Variants in ANO3 observed in about 807,000 individuals in gnomAD.
ANO3 encodes anoctamin 3.
A neutral mutation model predicts 144.8 loss-of-function variants in ANO3; 99 were observed. The ratio of observed to expected loss-of-function variants is 0.68; its 90% confidence interval spans 0.58 to 0.81. ANO3 has a LOEUF of 0.81. Ranked by LOEUF, ANO3 falls within the 30% of genes least tolerant of loss-of-function variation. The probability of loss-of-function intolerance (pLI) is 0.00; values close to 1 mark genes in which losing one functional copy is unlikely to be tolerated. For missense variants in ANO3, 905 were observed against 1,202.2 expected (o/e 0.75, Z 3.66); for synonymous variants, 414 against 392.6 (o/e 1.05, Z -0.64).
intron 4 of ANO3, among the ~76,000 whole-genome samples, chr11:26,466,319 C>T (rs1179083196): frequency 6.6e-6 from 1 of 151,950 alleles, no homozygotes; most frequent in East Asian, 1.9e-4. Context: ...TTAAATATTT[C>T]AGAGGCATTG....
chr11:26,529,125 A>AT (rs1849242872), intron 7 of ANO3, among the ~76,000 whole-genome samples: 1 of 1,558 alleles, frequency 6.4e-4, no homozygotes, highest in African/African-American at 6.8e-4. Context: ...AATATATATT[A>AT]TATATAATAT....
intron 5 of ANO3, among the ~76,000 whole-genome samples, chr11:26,514,676 T>C (rs1313798007): frequency 4.6e-5 from 7 of 152,072 alleles, no homozygotes; most frequent in Admixed American, 3.9e-4. Flanking sequence ...GCAACACTGG[T>C]AGCCAACACG....
intron 1 of ANO3, among the ~76,000 whole-genome samples, chr11:26,418,342 G>A (rs1032432564): frequency 6.6e-6 from 1 of 152,062 alleles, no homozygotes; most frequent in African/African-American, 2.4e-5. Context: ...GGCTGGAAGA[G>A]ACTGGAACGT....
chr11:26,525,929 A>G (rs1222184923), intron 7 of ANO3, among the ~76,000 whole-genome samples: 1 of 149,004 alleles, frequency 6.7e-6, no homozygotes, highest in Non-Finnish European at 1.5e-5. Context: ...GAGGACTTTA[A>G]TCGCAAGTTC....
At chr11:26,443,125 C>G (rs1356494103) in intron 2 of ANO3, among the ~76,000 whole-genome samples, 1 of 152,040 alleles carries the variant, frequency 6.6e-6, no homozygotes, top group African/African-American at 2.4e-5. Flanking sequence ...CCTTATGATT[C>G]CATATGGTTG....
At chr11:26,532,180 C>T (rs1849391588) in intron 8 of ANO3, among the ~76,000 whole-genome samples, 1 of 152,198 alleles carries the variant, frequency 6.6e-6, no homozygotes, top group African/African-American at 2.4e-5. Flanking sequence ...AATGGGAAAC[C>T]CTCCTTTTCC....
chr11:26,479,628 CA>C (rs1164675330), intron 4 of ANO3, among the ~76,000 whole-genome samples: 1 of 152,114 alleles, frequency 6.6e-6, no homozygotes, highest in Non-Finnish European at 1.5e-5. Context: ...CAATTATCTC[CA>C]CCTGGCCCTG....
chr11:26,407,393 C>T (rs1277152182), intron 1 of ANO3, among the ~76,000 whole-genome samples: 2 of 151,678 alleles, frequency 1.3e-5, no homozygotes, highest in Non-Finnish European at 2.9e-5. Context: ...CTCTCTGCTT[C>T]TATATCATTG....
At chr11:26,217,099 T>A (rs933988563) in intron 1 of ANO3, among the ~76,000 whole-genome samples, 5 of 152,064 alleles carry the variant, frequency 3.3e-5, no homozygotes, top group Non-Finnish European at 7.4e-5. Flanking sequence ...TTTTCTTTCA[T>A]GGATAGCACA....
intron 1 of ANO3, among the ~76,000 whole-genome samples, chr11:26,420,460 C>A (rs757929678): frequency 6.6e-6 from 1 of 152,020 alleles, no homozygotes; most frequent in African/African-American, 2.4e-5. Flanking sequence ...CTGCAACAAT[C>A]CAGTGTTCTC....
chr11:26,635,695 A>G (rs923658498), intron 20 of ANO3, among the ~76,000 whole-genome samples: 1 of 152,230 alleles, frequency 6.6e-6, no homozygotes, highest in African/African-American at 2.4e-5. Flanking sequence ...TTTAGTTTCT[A>G]TAATTATGAA....
intron 1 of ANO3, among the ~76,000 whole-genome samples, chr11:26,264,577 T>G (rs1853265398): frequency 6.6e-6 from 1 of 152,196 alleles, no homozygotes; most frequent in Non-Finnish European, 1.5e-5. Context: ...ATTGCATTAG[T>G]CTGCTAAGGC....
At chr11:26,550,066 T>A (rs1849890717) in intron 12 of ANO3, among the ~76,000 whole-genome samples, 1 of 150,304 alleles carries the variant, frequency 6.7e-6, no homozygotes, top group African/African-American at 2.4e-5. Context: ...ATTGATCCTT[T>A]AAAAAAAAAA....
At chr11:26,310,282 C>T (rs1467938371) in intron 1 of ANO3, among the ~76,000 whole-genome samples, 1 of 152,052 alleles carries the variant, frequency 6.6e-6, no homozygotes, top group African/African-American at 2.4e-5. Flanking sequence ...CTTTTTGAGG[C>T]CCGCTTTTCA....
At chr11:26,295,379 G>C (rs1238032405) in intron 1 of ANO3, among the ~76,000 whole-genome samples, 1 of 151,660 alleles carries the variant, frequency 6.6e-6, no homozygotes, top group Non-Finnish European at 1.5e-5. Flanking sequence ...AAAAAAATTA[G>C]CCGGGCTTAG....
rs1378523249 is a variant in ANO3, at chr11:26,635,129, G to A, written c.2043+59G>A. ...GGCATGGATATGGGCCAGTTACTGC[G>A]GGAGGAAGGGAGCTGAAGAAAGGAG... On this transcript the variant is annotated intron_variant, in intron 20 of 26. Transcript: ENST00000256737. 27 of 1,441,688 alleles carry A rather than the reference G, an allele frequency of 1.9e-5. No homozygotes were observed. In the African/African-American group the frequency reaches 3.3e-4, roughly 18 times the overall value. The allele number at this position is 1,441,688 out of a possible 1,614,324, so 89.3% of individuals were successfully genotyped here. A position where few individuals can be genotyped will look rare whatever the true frequency, so the allele number is the denominator to read the frequency against.
chr11:26,578,742 C>T (rs376874859), intron 14 of ANO3, among the ~76,000 whole-genome samples: 1 of 151,996 alleles, frequency 6.6e-6, no homozygotes, highest in African/African-American at 2.4e-5. Flanking sequence ...GGATAGAGGC[C>T]TATTGCTAAA....
chr11:26,384,783 C>G (rs1856680723), intron 1 of ANO3, among the ~76,000 whole-genome samples: 2 of 152,188 alleles, frequency 1.3e-5, no homozygotes, highest in South Asian at 2.1e-4. Context: ...ACTATCTTTT[C>G]TAAATTTAGT....
chr11:26,231,467 T>C (rs1025171711), intron 1 of ANO3, among the ~76,000 whole-genome samples: 1 of 152,130 alleles, frequency 6.6e-6, no homozygotes, highest in African/African-American at 2.4e-5. Context: ...TCTGGAAAGG[T>C]GACTTGTCCA....
Sources: gnomAD v4.1 joint callset for allele counts (sites outside exome capture counted in the v4.1 genomes callset) on GRCh38, gnomAD v4.1.1 for gene constraint, MANE v1.5 for transcripts, NCBI Gene and HGNC (gene_info 2026-07-23, HGNC 2026-07-21) for gene names.